NDST4: variants seen among roughly 807,000 people sequenced by gnomAD.
NDST4 encodes the protein N-heparan sulfate sulfotransferase 4.
NDST4 carries 63 observed loss-of-function variants against 100.8 expected under a neutral mutation model. The ratio of observed to expected loss-of-function variants is 0.62; its 90% CI spans 0.51 to 0.77. The LOEUF (loss-of-function observed/expected upper bound fraction) is 0.77, where lower values mean the gene tolerates loss of function less well. NDST4 is among the 30% of genes least tolerant of loss of function. The pLI, the probability that NDST4 is intolerant of heterozygous loss-of-function variation, is 0.00. For missense variants in NDST4, 943 were observed against 1,018.4 expected, an observed-to-expected ratio of 0.93 and a Z score of 1.01; for synonymous variants, 377 against 361.8, an observed-to-expected ratio of 1.04 and a Z score of -0.48.
intron 2 of NDST4, among the ~76,000 whole-genome samples, chr4:115,038,302 T>G (rs1173692013): frequency 1.3e-5 from 2 of 152,192 alleles, no homozygotes; most frequent in Non-Finnish European, 2.9e-5. Context: ...TCATTATAAT[T>G]AGATTTGTTC....
At chr4:115,086,044 A>G (rs1729403989) in intron 1 of NDST4, among the ~76,000 whole-genome samples, 1 of 152,212 alleles carries the variant, frequency 6.6e-6, no homozygotes, top group Non-Finnish European at 1.5e-5. Flanking sequence ...AGCACTACTC[A>G]GTAGGGCACA....
intron 8 of NDST4, among the ~76,000 whole-genome samples, chr4:114,852,430 T>C (rs1418506639): frequency 6.6e-6 from 1 of 152,132 alleles, no homozygotes; most frequent in Non-Finnish European, 1.5e-5. Context: ...AAAGATGAGG[T>C]ACAACAACTG....
chr4:115,040,390 T>C (rs1396746533), intron 2 of NDST4, among the ~76,000 whole-genome samples: 5 of 150,486 alleles, frequency 3.3e-5, no homozygotes, highest in Non-Finnish European at 5.9e-5. Context: ...CAAGATTTTA[T>C]CAATAATCAC....
At chr4:114,921,697 C>T (rs1021650843) in intron 6 of NDST4, among the ~76,000 whole-genome samples, 26 of 152,018 alleles carry the variant, frequency 1.7e-4, no homozygotes, top group Non-Finnish European at 3.4e-4. Context: ...ACTTATTCTT[C>T]GCTATTTAGT....
chr4:114,939,816 C>T (rs1353276154), intron 4 of NDST4, among the ~76,000 whole-genome samples: 1 of 152,104 alleles, frequency 6.6e-6, no homozygotes, highest in African/African-American at 2.4e-5. Context: ...ACACTGGCAA[C>T]TGGAGCTCAA....
chr4:114,929,113 CATCTATCT>C (rs70964332), intron 6 of NDST4, among the ~76,000 whole-genome samples: 1,408 of 116,096 alleles, frequency 0.012, 2 homozygotes, highest in Middle Eastern at 0.028. Flanking sequence ...TCCATCCATC[CATCTATCT>C]ATCTATCTAT....
At chr4:115,049,506 G>A (rs1158591224) in intron 2 of NDST4, among the ~76,000 whole-genome samples, 1 of 152,074 alleles carries the variant, frequency 6.6e-6, no homozygotes, top group Non-Finnish European at 1.5e-5. Context: ...AAGCATCCCA[G>A]ACCAAACATC....
intron 10 of NDST4, among the ~76,000 whole-genome samples, chr4:114,845,068 GC>G (rs1345321517): frequency 6.6e-6 from 1 of 152,184 alleles, no homozygotes; most frequent in Non-Finnish European, 1.5e-5. Context: ...GGTGGCTCAT[GC>G]TTGTAGTCCC....
At chr4:115,070,751 A>G (rs1458623657) in intron 2 of NDST4, among the ~76,000 whole-genome samples, 1 of 152,154 alleles carries the variant, frequency 6.6e-6, no homozygotes, top group East Asian at 1.9e-4. Flanking sequence ...TATATTGTAG[A>G]TAGCTTAGGC....
intron 2 of NDST4, among the ~76,000 whole-genome samples, chr4:115,037,067 A>T (rs1018610941): frequency 5.9e-5 from 9 of 152,054 alleles, no homozygotes; most frequent in African/African-American, 2.2e-4. Flanking sequence ...TGTGTGCTAC[A>T]AGAGATTTCA....
intron 2 of NDST4, among the ~76,000 whole-genome samples, chr4:115,034,202 A>G (rs189671959): frequency 1.2e-3 from 181 of 152,188 alleles, no homozygotes; most frequent in African/African-American, 4.2e-3. Context: ...AAACATGTTA[A>G]TTACATTCTC....
chr4:115,078,396 T>C (rs1472573610), intron 1 of NDST4, among the ~76,000 whole-genome samples: 1 of 152,110 alleles, frequency 6.6e-6, no homozygotes, highest in Non-Finnish European at 1.5e-5. Context: ...ATGCTGATAG[T>C]GATATGGACA....
chr4:114,908,547 G>GTGATA (rs1484743197), intron 6 of NDST4, among the ~76,000 whole-genome samples: 1 of 151,948 alleles, frequency 6.6e-6, no homozygotes, highest in Non-Finnish European at 1.5e-5. Context: ...CCATTTTTAT[G>GTGATA]TGATATGATA....
chr4:115,022,572 G>A (rs895703103), intron 2 of NDST4, among the ~76,000 whole-genome samples: 12 of 148,216 alleles, frequency 8.1e-5, no homozygotes, highest in Middle Eastern at 6.8e-3. Context: ...AATGGCATTC[G>A]CAGCAACGTG....
intron 2 of NDST4, among the ~76,000 whole-genome samples, chr4:115,075,333 C>T (rs1729155669): frequency 6.6e-6 from 1 of 152,262 alleles, no homozygotes; most frequent in South Asian, 2.1e-4. Context: ...TTTCTATTTA[C>T]ACCACAATTT....
intron 2 of NDST4, among the ~76,000 whole-genome samples, chr4:115,005,780 C>A (rs1727400117): frequency 6.6e-6 from 1 of 151,850 alleles, no homozygotes. Context: ...AAAAATAAAA[C>A]AGAAACAGGT....
intron 6 of NDST4, among the ~76,000 whole-genome samples, chr4:114,890,848 T>C (rs796844518): frequency 3.3e-5 from 5 of 152,256 alleles, no homozygotes; most frequent in African/African-American, 1.2e-4. Flanking sequence ...TACAATCATA[T>C]AGTCTCTTTA....
intron 6 of NDST4, among the ~76,000 whole-genome samples, chr4:114,932,891 T>A (rs1053633473): frequency 6.6e-6 from 1 of 152,120 alleles, no homozygotes; most frequent in African/African-American, 2.4e-5. Flanking sequence ...AAAATATCCA[T>A]ATTACTCACA....
chr4:114,844,281 T>C (rs924175580), intron 10 of NDST4, among the ~76,000 whole-genome samples: 1 of 152,216 alleles, frequency 6.6e-6, no homozygotes, highest in East Asian at 1.9e-4. Context: ...TGTGATGTAT[T>C]GTAAAAGAAA....
Sources: gnomAD v4.1 joint callset for allele counts (sites outside exome capture counted in the v4.1 genomes callset) on GRCh38, gnomAD v4.1.1 for gene constraint, MANE v1.5 for transcripts, NCBI Gene and HGNC (gene_info 2026-07-23, HGNC 2026-07-21) for gene names.